The following SRP54 variants were observed in gnomAD, a reference collection of about 807,000 sequenced individuals.
The protein encoded by SRP54 is signal recognition particle 54.
SRP54 carries 10 observed loss-of-function variants against 64.8 expected under a neutral mutation model. The ratio of observed to expected loss-of-function variants is 0.15; its 90% CI spans 0.10 to 0.26. SRP54 has a LOEUF of 0.26. SRP54 is among the 10% of genes least tolerant of loss of function. The pLI, the probability that SRP54 is intolerant of heterozygous loss-of-function variation, is 1.00. For synonymous variants in SRP54, 193 were observed against 185.6 expected (o/e 1.04, Z -0.32); for missense variants, 325 against 613.7 (o/e 0.53, Z 4.97).
intron 1 of SRP54, among the ~76,000 whole-genome samples, chr14:34,992,487 C>T (rs934112525): frequency 3.3e-5 from 5 of 152,122 alleles, no homozygotes; most frequent in African/African-American, 1.2e-4. Flanking sequence ...ATGTCCTTTG[C>T]AGCAACATGG....
chr14:35,010,238 G>A (rs1265668201), intron 7 of SRP54, among the ~76,000 whole-genome samples: 2 of 150,870 alleles, frequency 1.3e-5, no homozygotes, highest in African/African-American at 4.9e-5. Flanking sequence ...ACCTGAGGTC[G>A]GGAGTTCAAG....
chr14:35,012,636 T>A (rs925463925), intron 8 of SRP54, among the ~76,000 whole-genome samples: 1 of 152,218 alleles, frequency 6.6e-6, no homozygotes, highest in African/African-American at 2.4e-5. Context: ...TCTTTGCATA[T>A]AACCTTTTCC....
chr14:34,992,206 T>A (rs1481550239), intron 1 of SRP54, among the ~76,000 whole-genome samples: 2 of 152,232 alleles, frequency 1.3e-5, no homozygotes, highest in African/African-American at 4.8e-5. Flanking sequence ...GTGCTGGGAT[T>A]ACAGGCGTGA....
At chr14:35,027,385 A>G (rs900899660) in intron 14 of SRP54, among the ~76,000 whole-genome samples, 2 of 152,136 alleles carry the variant, frequency 1.3e-5, no homozygotes, top group African/African-American at 4.8e-5. Flanking sequence ...TTTGCTAATT[A>G]ACCCATGTCT....
Position 34,996,764 on chromosome 14 carries a change from A to G in SRP54, c.55A>G (p.Asn19Asp), listed in dbSNP as rs1204970328. The change falls in exon 2 of 16, where the codon AAT becomes GAT. Residue 19 changes from asparagine to aspartate, a missense_variant. By Grantham distance (23) the Asn-to-Asp change is conservative. This residue lies in a region of SRP54 where 156 missense variants were observed against 254.6 expected (regional missense o/e 0.61). Transcript: ENST00000216774. ...AACATCAGCATTACGCTCGTTGAGCAATGCCACCATTATCAATGAAGAGGT... is the reference window on the plus strand; with the variant it reads ...AACATCAGCATTACGCTCGTTGAGCGATGCCACCATTATCAATGAAGAGGT... ...KITSALRSLSNATIINEEVLN... is the reference protein window; with the variant it reads ...KITSALRSLSDATIINEEVLN... 1.2e-6 allele frequency: 2 copies of G among 1,612,644 alleles called. No individual in the cohort carries two copies. Among genetic ancestry groups the G allele is most frequent in the South Asian group, 1.1e-5 (1 of 91,050 alleles).
intron 11 of SRP54, among the ~76,000 whole-genome samples, chr14:35,017,974 A>G (rs1299615720): frequency 2.0e-5 from 3 of 152,102 alleles, no homozygotes; most frequent in Admixed American, 1.3e-4. Flanking sequence ...ATCCAGTGGC[A>G]TGCATCCATA....
intron 10 of SRP54, among the ~76,000 whole-genome samples, chr14:35,014,387 C>T (rs2044406139): frequency 6.6e-6 from 1 of 151,238 alleles, no homozygotes; most frequent in Non-Finnish European, 1.5e-5. Flanking sequence ...AAGCGATTTT[C>T]CTGCCTTAGC....
intron 1 of SRP54, among the ~76,000 whole-genome samples, chr14:34,989,279 G>A (rs944813528): frequency 1.3e-5 from 2 of 152,090 alleles, no homozygotes; most frequent in African/African-American, 4.8e-5. Context: ...GCCACGGTGG[G>A]TGGATCACCT....
intron 13 of SRP54, chr14:35,019,322 T>C (rs2044489891): frequency 3.3e-6 from 1 of 304,168 alleles, no homozygotes; most frequent in East Asian, 6.6e-5. Flanking sequence ...TAGTTCTTCA[T>C]GATGTTCATA....
chr14:34,999,266 C>T (rs1297537838), intron 2 of SRP54, among the ~76,000 whole-genome samples: 1 of 152,014 alleles, frequency 6.6e-6, no homozygotes, highest in Non-Finnish European at 1.5e-5. Context: ...CTGCCCACCT[C>T]GGCCTCCCAA....
chr14:35,021,737 T>G (rs1036668451), intron 13 of SRP54, among the ~76,000 whole-genome samples: 2 of 152,224 alleles, frequency 1.3e-5, no homozygotes, highest in African/African-American at 2.4e-5. Context: ...ATTTAATATG[T>G]GTAAAGAAAA....
intron 1 of SRP54, among the ~76,000 whole-genome samples, chr14:34,983,770 A>G (rs1258829683): frequency 3.3e-5 from 5 of 152,234 alleles, no homozygotes; most frequent in Non-Finnish European, 7.3e-5. Context: ...TTAACAAAAT[A>G]TATACTTGTT....
chr14:35,008,884 CTTTTTTTTTT>C (rs35812379), intron 7 of SRP54, 53 bp downstream of exon 7: 17 of 676,536 alleles, frequency 2.5e-5, no homozygotes, highest in African/African-American at 2.5e-4. Flanking sequence ...TGTCTGTCAG[CTTTTTTTTTT>C]TTTTTTTTTT....
chr14:34,990,911 T>C (rs1209572010), intron 1 of SRP54, among the ~76,000 whole-genome samples: 3 of 152,146 alleles, frequency 2.0e-5, no homozygotes, highest in Non-Finnish European at 4.4e-5. Context: ...TTTAAAGATA[T>C]TTGCAGTGCC....
intron 1 of SRP54, among the ~76,000 whole-genome samples, chr14:34,988,594 TAAC>T (rs1259329969): frequency 5.0e-5 from 6 of 119,328 alleles, no homozygotes; most frequent in African/African-American, 9.1e-5. Flanking sequence ...TATATATATA[TAAC>T]ATATATATAT....
intron 11 of SRP54, among the ~76,000 whole-genome samples, chr14:35,015,898 G>A (rs1398537148): frequency 6.6e-6 from 1 of 152,054 alleles, no homozygotes; most frequent in African/African-American, 2.4e-5. Flanking sequence ...GACCATTCTT[G>A]GATGTTTCAT....
intron 11 of SRP54, 134 bp from the exon 12 acceptor site, chr14:35,018,558 G>A: frequency 1.4e-6 from 1 of 693,768 alleles, no homozygotes. Context: ...CATGGTAACT[G>A]CTTGGTGAAT....
chr14:34,996,218 C>T (rs769391546), intron 1 of SRP54, among the ~76,000 whole-genome samples: 1 of 152,052 alleles, frequency 6.6e-6, no homozygotes, highest in Non-Finnish European at 1.5e-5. Flanking sequence ...GTTATTAAAA[C>T]CTTTTTTCTT....
chr14:34,999,224 A>G (rs1296194007), intron 2 of SRP54, among the ~76,000 whole-genome samples: 2 of 152,002 alleles, frequency 1.3e-5, no homozygotes, highest in Non-Finnish European at 2.9e-5. Context: ...CATGTTGGCC[A>G]GGCTGTTCTT....
Sources: allele counts gnomAD v4.1 joint callset (sites outside exome capture counted in the v4.1 genomes callset), GRCh38; gene constraint gnomAD v4.1.1; regional missense constraint gnomAD v4.1.1; transcripts MANE v1.5; gene names NCBI Gene and HGNC (gene_info 2026-07-23, HGNC 2026-07-21).